BLTP1: variants seen among roughly 807,000 people sequenced by gnomAD.
BLTP1 encodes bridge-like lipid transfer protein family member 1.
At chr4:122,175,123 T>G in the BLTP1 span, 4 of 981,264 alleles carry the variant, frequency 4.1e-6, no homozygotes, top group Middle Eastern at 5.2e-4. Flanking sequence ...CCTTCTTCTG[T>G]AAGTCTTGAA....
At chr4:122,244,915 T>G in the BLTP1 span, 1 of 1,332,210 alleles carries the variant, frequency 7.5e-7, no homozygotes, top group Non-Finnish European at 1.0e-6. Context: ...GTTGAGCAAT[T>G]GTTGTACATA....
the BLTP1 span, among the ~76,000 whole-genome samples, chr4:122,165,580 A>G: frequency 7.8e-6 from 1 of 128,272 alleles, no homozygotes; most frequent in Non-Finnish European, 1.7e-5. Context: ...TCCTTTGGGT[A>G]TATACCCAGT....
chr4:122,299,154 C>G, the BLTP1 span: 6 of 984,392 alleles, frequency 6.1e-6, no homozygotes, highest in South Asian at 2.8e-4. Flanking sequence ...TGGCAAACAT[C>G]ATGTAGGAAG....
At chr4:122,224,608 T>G in the BLTP1 span, 2 of 1,614,090 alleles carry the variant, frequency 1.2e-6, no homozygotes. Context: ...TGGGAAGCGA[T>G]TCCTTAGAAT....
the BLTP1 span, chr4:122,259,858 CA>C: frequency 0.019 from 12,103 of 632,856 alleles, no homozygotes; most frequent in Non-Finnish European, 0.022. Context: ...GACGCCATCT[CA>C]AAAAAAAAAA....
the BLTP1 span, chr4:122,235,766 C>T: frequency 6.6e-6 from 1 of 152,100 alleles, no homozygotes; most frequent in African/African-American, 2.4e-5. Context: ...GATGGCGCCA[C>T]TGCACTCCAG....
At chr4:122,238,691 C>T in the BLTP1 span, among the ~76,000 whole-genome samples, 1 of 152,078 alleles carries the variant, frequency 6.6e-6, no homozygotes, top group Admixed American at 6.6e-5. Context: ...AATAGTTGGC[C>T]ACTCCCTTCT....
chr4:122,320,588 T>C, the BLTP1 span, among the ~76,000 whole-genome samples: 2 of 152,214 alleles, frequency 1.3e-5, no homozygotes, highest in Admixed American at 1.3e-4. Context: ...CTGTCTGAAA[T>C]TAATATAGCT....
At chr4:122,207,514 C>CTTCTTTTTTTTT in the BLTP1 span, 1 of 1,285,990 alleles carries the variant, frequency 7.8e-7, no homozygotes, top group Non-Finnish European at 1.0e-6. Context: ...ACTTTTTCTT[C>CTTCTTTTTTTTT]TTTTTTTTTT....
At chr4:122,195,697 T>G in the BLTP1 span, 1 of 821,282 alleles carries the variant, frequency 1.2e-6, no homozygotes, top group Non-Finnish European at 1.5e-6. Context: ...TCTAATGGAT[T>G]CTCTATCCTT....
chr4:122,306,040 A>AT, the BLTP1 span: 1 of 1,603,316 alleles, frequency 6.2e-7, no homozygotes, highest in Non-Finnish European at 8.5e-7. Flanking sequence ...GTGGCCTTTG[A>AT]TAGAGGTAAG....
chr4:122,347,500 T>G, the BLTP1 span: 1 of 1,591,000 alleles, frequency 6.3e-7, no homozygotes, highest in East Asian at 2.2e-5. Context: ...ATTTTTTGTT[T>G]GTTTTGTTTG....
chr4:122,350,128 A>T, the BLTP1 span: 3 of 1,549,936 alleles, frequency 1.9e-6, no homozygotes, highest in Non-Finnish European at 2.6e-6. Flanking sequence ...TAAATATGTT[A>T]CATTTTTAAT....
At chr4:122,328,265 T>C in the BLTP1 span, 7 of 1,610,954 alleles carry the variant, frequency 4.3e-6, 1 homozygote, top group South Asian at 7.7e-5. Flanking sequence ...GCCGACGGGA[T>C]GACAGTTTGT....
At chr4:122,244,090 A>T in the BLTP1 span, 3 of 1,440,294 alleles carry the variant, frequency 2.1e-6, no homozygotes, top group South Asian at 4.9e-5. Context: ...TGATATGATA[A>T]GTATATGTGA....
chr4:122,243,464 G>A, the BLTP1 span: 21 of 983,782 alleles, frequency 2.1e-5, no homozygotes, highest in Non-Finnish European at 2.4e-5. Flanking sequence ...GTCCAGGCCA[G>A]GCATGGTGGT....
the BLTP1 span, chr4:122,350,152 A>C: frequency 2.7e-6 from 4 of 1,496,710 alleles, no homozygotes; most frequent in Non-Finnish European, 3.5e-6. Flanking sequence ...AAATAATAAT[A>C]ATCTGTATGC....
chr4:122,320,314 G>T, the BLTP1 span, among the ~76,000 whole-genome samples: 1 of 152,072 alleles, frequency 6.6e-6, no homozygotes, highest in South Asian at 2.1e-4. Context: ...TGCCTGGCAG[G>T]ATTTTAAAAC....
chr4:122,353,069 AT>A, the BLTP1 span: 1 of 1,613,936 alleles, frequency 6.2e-7, no homozygotes. The surrounding 1 kb of genome is among the most constrained non-coding windows in gnomAD (Gnocchi z 4.3). Flanking sequence ...CATGGTCCAA[AT>A]TTTCGTTCAA....
Sources: gnomAD v4.1 joint callset for allele counts (sites outside exome capture counted in the v4.1 genomes callset) on GRCh38, gnomAD v4.1.1 for gene constraint, Gnocchi (gnomAD v3.1) non-coding constraint, MANE v1.5 for transcripts, NCBI Gene and HGNC (gene_info 2026-07-23, HGNC 2026-07-21) for gene names.